The following CFAP221 variants were observed in gnomAD, a reference collection of about 807,000 sequenced individuals.
The protein encoded by CFAP221 is cilia- and flagella-associated protein 221.
In CFAP221, 97 loss-of-function variants were observed where a neutral mutation model predicts 113.1. The ratio of observed to expected loss-of-function variants is 0.86; its 90% CI spans 0.73 to 1.02. CFAP221 has a LOEUF of 1.02. Among genes scored for constraint, CFAP221 ranks in the 50% least tolerant of loss-of-function variants. The probability of loss-of-function intolerance (pLI) is 0.00; values close to 1 mark genes in which losing one functional copy is unlikely to be tolerated. For synonymous variants in CFAP221, 331 were observed against 354.4 expected (o/e 0.93, Z 0.74); for missense variants, 1,025 against 1,013.4 (o/e 1.01, Z -0.16).
chr2:119,569,412 C>A (rs545686680), intron 6 of CFAP221, among the ~76,000 whole-genome samples: 1 of 151,940 alleles, frequency 6.6e-6, no homozygotes, highest in Non-Finnish European at 1.5e-5. Context: ...GCCACCGCAC[C>A]GGCCTTCTTT....
At position 119,607,781 on chromosome 2, in the gene CFAP221, T is replaced by C. The variant is rs577999994; in HGVS notation, c.1134-721T>C. Among the ~76,000 whole-genome samples, 4 of 152,376 alleles carry C rather than the reference T, an allele frequency of 2.6e-5. No homozygotes were observed. In the East Asian group the frequency reaches 7.7e-4, roughly 29 times the overall value. ...CACAGAATACATAGTCTTTTGTGAC[T>C]GGCCTCTTCCACTTAACATGTTTTT... On this transcript the variant is annotated intron_variant, in intron 11 of 23. Transcript: ENST00000413369.
intron 18 of CFAP221, 44 bp downstream of exon 18, chr2:119,630,721 C>G: frequency 1.2e-6 from 2 of 1,605,088 alleles, no homozygotes; most frequent in Non-Finnish European, 1.7e-6. Context: ...TCTTTTCCCT[C>G]TTATCCTGGC....
chr2:119,647,475 C>G (rs1013131015), intron 22 of CFAP221, among the ~76,000 whole-genome samples: 1 of 152,158 alleles, frequency 6.6e-6, no homozygotes, highest in South Asian at 2.1e-4. Flanking sequence ...ATCTCCTATC[C>G]GTATGCTCAT....
intron 13 of CFAP221, among the ~76,000 whole-genome samples, chr2:119,612,343 G>T (rs1666806046): frequency 1.3e-5 from 2 of 152,198 alleles, no homozygotes; most frequent in African/African-American, 2.4e-5. Context: ...CTGAATGGCT[G>T]GAGAAGCCTC....
chr2:119,616,051 T>C (rs560969732), intron 14 of CFAP221, among the ~76,000 whole-genome samples: 24 of 152,190 alleles, frequency 1.6e-4, no homozygotes, highest in Non-Finnish European at 3.2e-4. Context: ...AATCATACAA[T>C]ATGCAGCCTT....
At chr2:119,548,261 C>T (rs551615026) in intron 2 of CFAP221, among the ~76,000 whole-genome samples, 41 of 152,122 alleles carry the variant, frequency 2.7e-4, no homozygotes, top group Non-Finnish European at 2.4e-4. Context: ...ACCATGCCTA[C>T]CTTTTATTTT....
rs79761086 is a variant in CFAP221 at position 119,604,172 on chromosome 2, A to G, written c.792-500A>G. Among the ~76,000 whole-genome samples the G allele has an allele frequency of 4.9e-3, 740 of 152,332 alleles. 10 individuals carry two copies. Among genetic ancestry groups the G allele is most frequent in the African/African-American group, 0.017 (700 of 41,574 alleles). Reference sequence around the variant, plus strand: ...GTCAGTATGTTCTTTAAGAATGTAAAGCAATGTAATCCCAGCACTTTGGGA... The same window carrying G: ...GTCAGTATGTTCTTTAAGAATGTAAGGCAATGTAATCCCAGCACTTTGGGA... On this transcript the variant is annotated intron_variant, in intron 8 of 23. Transcript: ENST00000413369.
At chr2:119,547,529 A>C (rs1161072305) in intron 2 of CFAP221, among the ~76,000 whole-genome samples, 1 of 152,248 alleles carries the variant, frequency 6.6e-6, no homozygotes, top group Non-Finnish European at 1.5e-5. Context: ...ACTGCACTCC[A>C]GTCAGGGCAA....
chr2:119,561,222 G>A (rs537664007), intron 5 of CFAP221, among the ~76,000 whole-genome samples: 86 of 152,108 alleles, frequency 5.7e-4, no homozygotes, highest in African/African-American at 2.0e-3. Context: ...CTCAGGAGGT[G>A]GAGGTTGCGG....
At chr2:119,631,150 C>A in intron 19 of CFAP221, 1 of 964,124 alleles carries the variant, frequency 1.0e-6, no homozygotes. Context: ...ATAATATGTA[C>A]ATATAGGCCA....
chr2:119,605,948 C>T (rs531816135), intron 11 of CFAP221, among the ~76,000 whole-genome samples: 5 of 152,020 alleles, frequency 3.3e-5, no homozygotes, highest in Admixed American at 6.5e-5. Flanking sequence ...TCATAATAGC[C>T]AAAAAGTGGA....
At chr2:119,590,109 C>T (rs1314301281) in intron 7 of CFAP221, 1 of 152,148 alleles carries the variant, frequency 6.6e-6, no homozygotes, top group East Asian at 1.9e-4. Flanking sequence ...ATGCATCTAA[C>T]TCATATAAAT....
chr2:119,624,964 A>G (rs752633913), intron 14 of CFAP221, among the ~76,000 whole-genome samples: 9 of 152,160 alleles, frequency 5.9e-5, no homozygotes, highest in African/African-American at 9.6e-5. Context: ...GCACGTTTAT[A>G]CTTATGTAAC....
At chr2:119,616,454 G>A (rs1420891097) in intron 14 of CFAP221, among the ~76,000 whole-genome samples, 3 of 152,290 alleles carry the variant, frequency 2.0e-5, no homozygotes, top group East Asian at 1.9e-4. Context: ...CTGAGGGATC[G>A]TACCTCTAGC....
intron 14 of CFAP221, among the ~76,000 whole-genome samples, chr2:119,620,414 C>T (rs1427716766): frequency 2.6e-5 from 4 of 152,082 alleles, no homozygotes; most frequent in Non-Finnish European, 4.4e-5. Context: ...CCTACAAGAC[C>T]GAAGAGAGTG....
At chr2:119,628,700 T>C (rs1360989846) in intron 16 of CFAP221, among the ~76,000 whole-genome samples, 1 of 152,260 alleles carries the variant, frequency 6.6e-6, no homozygotes, top group Non-Finnish European at 1.5e-5. Flanking sequence ...TGTTAAGCAT[T>C]GCAGGTAATC....
chr2:119,581,813 C>T (rs1574054295), intron 6 of CFAP221, among the ~76,000 whole-genome samples: 1 of 152,080 alleles, frequency 6.6e-6, no homozygotes, highest in East Asian at 1.9e-4. Context: ...GCCTGTAATT[C>T]CAGCACTCTG....
At chr2:119,587,978 T>TACA (rs1683337157) in intron 7 of CFAP221, among the ~76,000 whole-genome samples, 1 of 152,140 alleles carries the variant, frequency 6.6e-6, no homozygotes, top group African/African-American at 2.4e-5. Flanking sequence ...CATTCTGAGA[T>TACA]TTTGTAAAAT....
intron 21 of CFAP221, among the ~76,000 whole-genome samples, chr2:119,644,097 GAACC>G (rs1287568278): frequency 2.0e-5 from 3 of 151,908 alleles, no homozygotes; most frequent in African/African-American, 7.3e-5. Flanking sequence ...AGCTTGCAGT[GAACC>G]AATATTATGC....
Sources: gnomAD v4.1 joint callset for allele counts (sites outside exome capture counted in the v4.1 genomes callset) on GRCh38, gnomAD v4.1.1 for gene constraint, MANE v1.5 for transcripts, NCBI Gene and HGNC (gene_info 2026-07-23, HGNC 2026-07-21) for gene names.